The following KCNQ3 variants were observed in gnomAD, a reference collection of about 807,000 sequenced individuals.
KCNQ3 encodes potassium voltage-gated channel subfamily Q member 3.
Under a neutral mutation model 92.5 loss-of-function variants are expected in KCNQ3, and 30 were observed. The observed-to-expected ratio is 0.32, with a 90% CI of 0.24 to 0.44. KCNQ3 has a LOEUF of 0.44. KCNQ3 is among the 20% of genes least tolerant of loss of function. The pLI is 1.00. For synonymous variants in KCNQ3, 450 were observed against 468.8 expected, an observed-to-expected ratio of 0.96 and a Z score of 0.52; for missense variants, 913 against 1,140.3, an observed-to-expected ratio of 0.80 and a Z score of 2.87.
chr8:132,387,953 G>A (rs987518186), intron 1 of KCNQ3, among the ~76,000 whole-genome samples: 16 of 150,476 alleles, frequency 1.1e-4, no homozygotes, highest in Non-Finnish European at 7.4e-5. Context: ...GAAGAAGAAG[G>A]AGAAGAAGAA....
intron 1 of KCNQ3, among the ~76,000 whole-genome samples, chr8:132,479,932 A>G (rs1822505161): frequency 7.1e-6 from 1 of 140,146 alleles, no homozygotes; most frequent in Non-Finnish European, 1.5e-5. Context: ...CCTAGTGTGG[A>G]ACACCCGGAG....
At chr8:132,375,633 T>C (rs1031115589) in intron 1 of KCNQ3, among the ~76,000 whole-genome samples, 1 of 152,234 alleles carries the variant, frequency 6.6e-6, no homozygotes, top group Non-Finnish European at 1.5e-5. Context: ...TTCTGTTCCC[T>C]GCTGATCTGT....
intron 1 of KCNQ3, among the ~76,000 whole-genome samples, chr8:132,410,416 T>C (rs559344760): frequency 6.6e-6 from 1 of 152,164 alleles, no homozygotes; most frequent in African/African-American, 2.4e-5. Context: ...GAGGGAAAGA[T>C]GTTGGACTTT....
chr8:132,321,769 G>A (rs1329757386), intron 1 of KCNQ3, among the ~76,000 whole-genome samples: 1 of 152,030 alleles, frequency 6.6e-6, no homozygotes, highest in Non-Finnish European at 1.5e-5. Context: ...CTGTGCTTTG[G>A]CCCAGGCTGT....
chr8:132,372,161 T>G (rs1819489261), intron 1 of KCNQ3, among the ~76,000 whole-genome samples: 1 of 152,150 alleles, frequency 6.6e-6, no homozygotes, highest in Non-Finnish European at 1.5e-5. Context: ...CTTTAATGGC[T>G]TCCTCTGGGC....
At chr8:132,391,648 C>T (rs1367372270) in intron 1 of KCNQ3, among the ~76,000 whole-genome samples, 3 of 152,174 alleles carry the variant, frequency 2.0e-5, no homozygotes, top group Non-Finnish European at 4.4e-5. Flanking sequence ...AATCCTTTCC[C>T]ACTGGTCTAC....
At chr8:132,431,468 G>A (rs186843934) in intron 1 of KCNQ3, among the ~76,000 whole-genome samples, 6 of 152,182 alleles carry the variant, frequency 3.9e-5, no homozygotes, top group Admixed American at 3.3e-4. Context: ...TAGGGAGGTC[G>A]GTGATGTCCC....
At chr8:132,224,090 T>TTA (rs1814327039) in intron 1 of KCNQ3, among the ~76,000 whole-genome samples, 1 of 128,078 alleles carries the variant, frequency 7.8e-6, no homozygotes, top group South Asian at 2.9e-4. Flanking sequence ...TATTTTTTTT[T>TTA]TTTTTTTTTT....
At chr8:132,143,520 A>G (rs1825361471) in intron 9 of KCNQ3, among the ~76,000 whole-genome samples, 1 of 152,220 alleles carries the variant, frequency 6.6e-6, no homozygotes, top group South Asian at 2.1e-4. Flanking sequence ...GGGCAAAACC[A>G]GCCTGGTGGA....
At chr8:132,231,734 G>A (rs954435756) in intron 1 of KCNQ3, among the ~76,000 whole-genome samples, 9 of 152,158 alleles carry the variant, frequency 5.9e-5, no homozygotes, top group Admixed American at 1.3e-4. Context: ...TGTTATGGTA[G>A]CCAAAACTAA....
chr8:132,134,627 A>G (rs1825015376), intron 12 of KCNQ3, among the ~76,000 whole-genome samples: 1 of 152,006 alleles, frequency 6.6e-6, no homozygotes, highest in Middle Eastern at 3.4e-3. Context: ...AGAGCCAGAG[A>G]GAACCTATAA....
intron 1 of KCNQ3, 62 bp downstream of exon 1, chr8:132,480,084 GC>G (rs1822513286): frequency 6.6e-7 from 1 of 1,513,568 alleles, no homozygotes; most frequent in Non-Finnish European, 9.0e-7. Flanking sequence ...CTCAGCTCCA[GC>G]CCCGACCCCA....
intron 1 of KCNQ3, among the ~76,000 whole-genome samples, chr8:132,211,138 A>G (rs547598838): frequency 6.6e-6 from 1 of 152,322 alleles, no homozygotes; most frequent in Admixed American, 6.5e-5. Flanking sequence ...GCTTTGATCA[A>G]AGATTTGATC....
At chr8:132,316,999 C>T (rs1817763376) in intron 1 of KCNQ3, among the ~76,000 whole-genome samples, 1 of 152,194 alleles carries the variant, frequency 6.6e-6, no homozygotes, top group African/African-American at 2.4e-5. Flanking sequence ...GGACAATTTA[C>T]ACATCTGTCC....
intron 1 of KCNQ3, among the ~76,000 whole-genome samples, chr8:132,395,922 A>T (rs1286724514): frequency 6.6e-6 from 1 of 152,196 alleles, no homozygotes; most frequent in African/African-American, 2.4e-5. Flanking sequence ...TGTTTTCCAG[A>T]TGCTAGGCCC....
At chr8:132,472,361 G>C (rs1299835619) in intron 1 of KCNQ3, among the ~76,000 whole-genome samples, 3 of 152,116 alleles carry the variant, frequency 2.0e-5, no homozygotes, top group Admixed American at 1.3e-4. Context: ...ATCAACCAAA[G>C]GATCTATCAA....
At chr8:132,211,766 C>T (rs1430215990) in intron 1 of KCNQ3, among the ~76,000 whole-genome samples, 1 of 152,100 alleles carries the variant, frequency 6.6e-6, no homozygotes, top group Admixed American at 6.5e-5. Context: ...GCCTGACCAA[C>T]ATAGTGACAC....
At chr8:132,473,582 G>A (rs1185078606) in intron 1 of KCNQ3, among the ~76,000 whole-genome samples, 2 of 152,056 alleles carry the variant, frequency 1.3e-5, no homozygotes, top group African/African-American at 2.4e-5. Context: ...ACTGATTAAC[G>A]TTAACAACAC....
intron 1 of KCNQ3, among the ~76,000 whole-genome samples, chr8:132,451,527 A>G (rs914334132): frequency 6.6e-6 from 1 of 152,196 alleles, no homozygotes; most frequent in Non-Finnish European, 1.5e-5. Flanking sequence ...CATTTTCCAG[A>G]ATAGGAAATC....
Sources: gnomAD v4.1 joint callset for allele counts (sites outside exome capture counted in the v4.1 genomes callset) on GRCh38, gnomAD v4.1.1 for gene constraint, MANE v1.5 for transcripts, NCBI Gene and HGNC (gene_info 2026-07-23, HGNC 2026-07-21) for gene names.